The following TRPC4AP variants were observed in gnomAD, a reference collection of about 807,000 sequenced individuals.
TRPC4AP encodes the protein transient receptor potential cation channel subfamily C member 4 associated protein.
Under a neutral mutation model 99.0 loss-of-function variants are expected in TRPC4AP, and 45 were observed. That is an observed-to-expected ratio of 0.45 (90% CI 0.36 to 0.58). The LOEUF (loss-of-function observed/expected upper bound fraction) is 0.58. Ranked by LOEUF, TRPC4AP falls within the 20% of genes least tolerant of loss-of-function variation. The pLI is 0.00. For missense variants in TRPC4AP, 879 were observed against 985.3 expected, an observed-to-expected ratio of 0.89 and a Z score of 1.44; for synonymous variants, 408 against 385.8, an observed-to-expected ratio of 1.06 and a Z score of -0.67.
Position 35,029,738 on chromosome 20 carries a change from C to T in TRPC4AP, c.1051+5385G>A, listed in dbSNP as rs571542291. ...GCAAGCTCCGCCTCCTGGGTTCACG[C>T]CATTCTCCTGCCTCAGCCTCCCCAG... On this transcript the variant is annotated intron_variant, in intron 8 of 18. Transcript: ENST00000252015. Among the ~76,000 whole-genome samples, 785 of 147,566 alleles carry T rather than the reference C, an allele frequency of 5.3e-3. 5 individuals are homozygous for T. The highest frequency in any genetic ancestry group is 9.1e-3 in the Non-Finnish European group (610 of 66,848).
At chr20:35,048,680 A>G (rs747822581) in intron 6 of TRPC4AP, among the ~76,000 whole-genome samples, 14 of 152,192 alleles carry the variant, frequency 9.2e-5, no homozygotes, top group South Asian at 2.1e-4. Context: ...ACACCTCGCC[A>G]TTTTGGGGTA....
Position 35,092,770 on chromosome 20 carries a change from C to T in TRPC4AP, c.12G>A (p.Ala4=). 2 of 1,538,200 alleles carry T rather than the reference C, an allele frequency of 1.3e-6. No individual in the cohort carries two copies. The highest frequency in any genetic ancestry group is 1.7e-6 in the Non-Finnish European group (2 of 1,154,648). MAA[A]PVAAGSGAGR... is the part of the protein sequence containing the mutation. ...CGGCTCCAGACCCAGCCGCTACCGG[C>T]GCCGCCGCCATGTCTCCTCGTCGGA... The change falls in exon 1 of 19, where the codon GCG becomes GCA. Residue 4 remains alanine (A), a synonymous_variant. Transcript: ENST00000252015.
intron 1 of TRPC4AP, among the ~76,000 whole-genome samples, 172 bp downstream of exon 1, chr20:35,092,439 GCTT>G (rs1290567733): frequency 2.6e-5 from 4 of 152,220 alleles, no homozygotes; most frequent in Non-Finnish European, 4.4e-5. Flanking sequence ...CAAGCCAGCT[GCTT>G]CCCACGGCCC....
chr20:35,033,674 T>C (rs942592714), intron 8 of TRPC4AP, among the ~76,000 whole-genome samples: 2 of 152,096 alleles, frequency 1.3e-5, no homozygotes, highest in African/African-American at 4.8e-5. Context: ...AGCTGGCCTG[T>C]AGATCACCCT....
At chr20:35,044,253 T>C (rs2083504195) in intron 7 of TRPC4AP, among the ~76,000 whole-genome samples, 1 of 151,050 alleles carries the variant, frequency 6.6e-6, no homozygotes, top group South Asian at 2.1e-4. Context: ...TAGCCCGGTG[T>C]GGTGGCACCT....
rs536335463 is a variant in TRPC4AP at position 35,036,900 on chromosome 20, T to C, written c.866-1592A>G. ...TGCAGAGGTTGCAGTGAGCTGAGAC[T>C]GCACCACTGTACTCCAGCCTGGGCA... On this transcript the variant is annotated intron_variant, in intron 7 of 18. Transcript: ENST00000252015. Among the ~76,000 whole-genome samples the C allele has an allele frequency of 5.3e-5, 8 of 151,326 alleles. No homozygotes were observed. In the East Asian group the frequency reaches 9.8e-4, roughly 19 times the overall value.
At chr20:35,067,323 CTTTTT>C (rs1000904405) in intron 3 of TRPC4AP, among the ~76,000 whole-genome samples, 2 of 151,598 alleles carry the variant, frequency 1.3e-5, no homozygotes. Flanking sequence ...CATCTCAGTA[CTTTTT>C]TTTTAAATTT....
intron 5 of TRPC4AP, among the ~76,000 whole-genome samples, chr20:35,052,891 A>T (rs1328604606): frequency 6.6e-6 from 1 of 152,150 alleles, no homozygotes; most frequent in Non-Finnish European, 1.5e-5. Context: ...CAACACCAGC[A>T]ATTCCAAACA....
In TRPC4AP at chr20:35,045,719, T is replaced by C. The variant is rs1289985293; in HGVS notation, c.658-1007A>G. Among the ~76,000 whole-genome samples the C allele has an allele frequency of 5.3e-5, 8 of 152,090 alleles. No homozygotes were observed. The East Asian group carries it at 1.5e-3, about 29-fold the overall frequency. On this transcript the variant is annotated intron_variant, in intron 6 of 18. Transcript: ENST00000252015. Reference sequence around the variant, plus strand: ...ACGCCTGGCTAATTTTTGTATTTTTTAGTAGAGATGGGGTTTCACCATGTT... The same window carrying C: ...ACGCCTGGCTAATTTTTGTATTTTTCAGTAGAGATGGGGTTTCACCATGTT...
In TRPC4AP at chr20:35,049,856, C is replaced by T; in HGVS notation, c.657+10G>A. The T allele has an allele frequency of 6.2e-7, 1 of 1,610,870 alleles. No homozygotes were observed. Among genetic ancestry groups the T allele is most frequent in the Non-Finnish European group, 8.5e-7 (1 of 1,178,122 alleles). ...CTTCCCCATCTGGTCAGCTAGAGGA[C>T]ACAGCTCACCTTTTTAACACCCAAA... On this transcript the variant is annotated intron_variant, in intron 6 of 18. Coordinates refer to ENST00000252015, the MANE Select transcript of TRPC4AP (RefSeq NM_015638.3).
At chr20:35,050,680 T>C (rs1395445301) in intron 5 of TRPC4AP, among the ~76,000 whole-genome samples, 1 of 150,660 alleles carries the variant, frequency 6.6e-6, no homozygotes, top group Non-Finnish European at 1.5e-5. Flanking sequence ...GCAAATGCAC[T>C]CTAGCCTTGG....
intron 2 of TRPC4AP, among the ~76,000 whole-genome samples, chr20:35,071,461 G>C (rs1211324395): frequency 7.7e-6 from 1 of 130,568 alleles, no homozygotes; most frequent in Non-Finnish European, 1.5e-5. Flanking sequence ...GCCCTGGTGT[G>C]TGACGTTCCC....
At chr20:35,008,865 A>G (rs2147268632) in intron 12 of TRPC4AP, 118 bp from the exon 13 acceptor site, 1 of 915,514 alleles carries the variant, frequency 1.1e-6, no homozygotes, top group South Asian at 1.6e-5. Flanking sequence ...AGTCTGCAGG[A>G]TGCCTTCCTG....
chr20:35,048,710 G>A (rs1361885919), intron 6 of TRPC4AP, among the ~76,000 whole-genome samples: 1 of 152,194 alleles, frequency 6.6e-6, no homozygotes, highest in African/African-American at 2.4e-5. Context: ...GAATGAGAGG[G>A]AGTGAGAGGC....
intron 8 of TRPC4AP, among the ~76,000 whole-genome samples, chr20:35,033,516 G>A (rs2083248789): frequency 6.6e-6 from 1 of 152,234 alleles, no homozygotes; most frequent in Non-Finnish European, 1.5e-5. Flanking sequence ...CTGAATTCTC[G>A]ACTGTTTTTG....
At chr20:35,089,239 T>C (rs773543160) in intron 1 of TRPC4AP, among the ~76,000 whole-genome samples, 3 of 151,994 alleles carry the variant, frequency 2.0e-5, no homozygotes, top group African/African-American at 4.8e-5. Context: ...TATATGTATA[T>C]AGTTTGAGGC....
At chr20:35,059,916 AAGAC>A (rs946702830) in intron 3 of TRPC4AP, among the ~76,000 whole-genome samples, 2 of 149,978 alleles carry the variant, frequency 1.3e-5, no homozygotes, top group Non-Finnish European at 3.0e-5. Flanking sequence ...GAAGACGAAG[AAGAC>A]AAAGACGAAG....
intron 5 of TRPC4AP, 103 bp from the exon 6 acceptor site, chr20:35,050,097 AC>A: frequency 7.6e-7 from 1 of 1,307,354 alleles, no homozygotes; most frequent in Non-Finnish European, 1.0e-6. Context: ...ACCTCTGAAA[AC>A]TGGCATGAGT....
At chr20:35,026,164 T>C (rs2083025011) in intron 8 of TRPC4AP, among the ~76,000 whole-genome samples, 1 of 152,102 alleles carries the variant, frequency 6.6e-6, no homozygotes, top group Admixed American at 6.5e-5. Context: ...AGCAGCATAG[T>C]GTCTCGATTG....
Sources: gnomAD v4.1 joint callset for allele counts (sites outside exome capture counted in the v4.1 genomes callset) on GRCh38, gnomAD v4.1.1 for gene constraint, MANE v1.5 for transcripts, NCBI Gene and HGNC (gene_info 2026-07-23, HGNC 2026-07-21) for gene names.